The following GPR149 variants were observed in gnomAD, a reference collection of about 807,000 sequenced individuals.
GPR149 encodes G protein-coupled receptor 149.
In GPR149, 50 loss-of-function variants were observed where a neutral mutation model predicts 50.2. The observed-to-expected ratio is 1.00, with a 90% CI of 0.79 to 1.26. The LOEUF is 1.26. Among genes scored for constraint, GPR149 ranks in the 50% most tolerant of loss-of-function variants. The pLI is 0.00. For missense variants in GPR149, 983 were observed against 895.4 expected (o/e 1.10, Z -1.25); for synonymous variants, 405 against 358.2 (o/e 1.13, Z -1.48).
At chr3:154,427,804 T>A in intron 1 of GPR149, 96 bp from the exon 2 acceptor site, 1 of 1,137,504 alleles carries the variant, frequency 8.8e-7, no homozygotes, top group Non-Finnish European at 1.2e-6. Flanking sequence ...CCCTTTCCAG[T>A]TCCTTCTCCT....
At chr3:154,420,436 A>T (rs1712106455) in intron 3 of GPR149, among the ~76,000 whole-genome samples, 1 of 152,050 alleles carries the variant, frequency 6.6e-6, no homozygotes, top group South Asian at 2.1e-4. Flanking sequence ...GTTTTATAAA[A>T]TATTATAAAA....
chr3:154,353,729 G>T, intron 3 of GPR149: 1 of 995,158 alleles, frequency 1.0e-6, no homozygotes, highest in Non-Finnish European at 1.6e-6. Context: ...ATTGTTTCTT[G>T]ATTTCTTTGG....
chr3:154,353,723 T>G, intron 3 of GPR149: 1 of 1,040,992 alleles, frequency 9.6e-7, no homozygotes, highest in Non-Finnish European at 1.5e-6. Context: ...TTAAAAATTG[T>G]TTCTTGATTT....
rs1230033889 is a variant in GPR149 at position 154,391,165 on chromosome 3, A to G, written c.1623+29874T>C. ...AAGGGTAAATATAAAGACAAATACT[A>G]TAATACTGTAATGGTAGTGGGTAAA... On this transcript the variant is annotated intron_variant, in intron 3 of 3. Coordinates refer to ENST00000389740, the MANE Select transcript of GPR149 (RefSeq NM_001038705.3). Among the ~76,000 whole-genome samples, 3 of 152,076 alleles carry G rather than the reference A, an allele frequency of 2.0e-5. No individual in the cohort carries two copies. The East Asian group carries it at 5.8e-4, about 29-fold the overall frequency.
chr3:154,362,523 T>C (rs1714436043), intron 3 of GPR149, among the ~76,000 whole-genome samples: 1 of 152,066 alleles, frequency 6.6e-6, no homozygotes, highest in African/African-American at 2.4e-5. Context: ...GGAAGAAACA[T>C]TTATCATGAA....
chr3:154,387,768 C>T (rs973623042), intron 3 of GPR149, among the ~76,000 whole-genome samples: 1 of 152,042 alleles, frequency 6.6e-6, no homozygotes, highest in African/African-American at 2.4e-5. Context: ...CAAGCAAGCT[C>T]CGGGCACTCT....
At chr3:154,366,705 C>T (rs2030316490) in intron 3 of GPR149, among the ~76,000 whole-genome samples, 1 of 152,164 alleles carries the variant, frequency 6.6e-6, no homozygotes, top group African/African-American at 2.4e-5. Context: ...CTACCTATGA[C>T]CTATAAGCCC....
chr3:154,347,023 A>C (rs1713946341), intron 3 of GPR149, among the ~76,000 whole-genome samples: 1 of 152,194 alleles, frequency 6.6e-6, no homozygotes, highest in African/African-American at 2.4e-5. Context: ...CTTCCTAAGC[A>C]CTGTCTATGC....
At chr3:154,400,759 A>G (rs1711533516) in intron 3 of GPR149, among the ~76,000 whole-genome samples, 2 of 152,262 alleles carry the variant, frequency 1.3e-5, no homozygotes, top group African/African-American at 4.8e-5. Context: ...TAAGAGTCAT[A>G]ATCTTGAAAT....
chr3:154,416,716 G>A (rs559302172), intron 3 of GPR149, among the ~76,000 whole-genome samples: 10 of 151,796 alleles, frequency 6.6e-5, no homozygotes, highest in Non-Finnish European at 1.2e-4. Flanking sequence ...ATTAGTTCTT[G>A]TTGGCCTTAT....
chr3:154,371,184 A>G (rs774558215), intron 3 of GPR149, among the ~76,000 whole-genome samples: 1 of 152,232 alleles, frequency 6.6e-6, no homozygotes, highest in Non-Finnish European at 1.5e-5. Context: ...AAAATGTAAC[A>G]GTCCTTGCAA....
At chr3:154,421,011 T>A in intron 3 of GPR149, 28 bp downstream of exon 3, 2 of 1,504,246 alleles carry the variant, frequency 1.3e-6, no homozygotes, top group Non-Finnish European at 1.8e-6. Flanking sequence ...CACTTTCAAT[T>A]TAACAGCAAG....
chr3:154,337,691 A>C lies in GPR149; in HGVS notation c.*8T>G, dbSNP rs1365399979. The C allele has an allele frequency of 6.3e-7, 1 of 1,576,016 alleles. No individual in the cohort carries two copies. Among genetic ancestry groups the C allele is most frequent in the South Asian group, 1.2e-5 (1 of 83,326 alleles). On this transcript the variant is annotated 3_prime_UTR_variant, in exon 4 of 4. Coordinates refer to ENST00000389740, the MANE Select transcript of GPR149 (RefSeq NM_001038705.3). ...ATCCATTCTTGCTCCTGTTAGACCAAATACCCACTAACTACCCTTGCTTTC... is the reference window on the plus strand; with the variant it reads ...ATCCATTCTTGCTCCTGTTAGACCACATACCCACTAACTACCCTTGCTTTC...
chr3:154,355,680 T>C (rs1365207356), intron 3 of GPR149, among the ~76,000 whole-genome samples: 2 of 152,170 alleles, frequency 1.3e-5, no homozygotes, highest in South Asian at 4.1e-4. Context: ...AAATAAAATT[T>C]CATCAGGAAT....
intron 3 of GPR149, among the ~76,000 whole-genome samples, chr3:154,377,502 G>C (rs1714820996): frequency 6.6e-6 from 1 of 151,796 alleles, no homozygotes; most frequent in Non-Finnish European, 1.5e-5. Context: ...GAGTGGCTGG[G>C]ACTACAGGCG....
At chr3:154,407,243 T>C (rs1196347883) in intron 3 of GPR149, among the ~76,000 whole-genome samples, 1 of 152,106 alleles carries the variant, frequency 6.6e-6, no homozygotes, top group Non-Finnish European at 1.5e-5. Context: ...ATGCTTCACA[T>C]AGTCAAATAT....
rs1215125457 is a variant in GPR149, at chr3:154,354,783, A to G, written c.1624-16512T>C. The G allele has an allele frequency of 1.4e-5, 10 of 697,558 alleles. No individual in the cohort carries two copies. In the Admixed American group the frequency reaches 2.9e-4, roughly 20 times the overall value. 43.2% of individuals were successfully genotyped at this position (697,558 alleles called of 1,614,324 possible). Reference sequence around the variant, plus strand: ...TTTTCAGCTCCATAATGTCGCCCCAAGGAGTTTCCCAGGCATTACTGGCCA... The same window carrying G: ...TTTTCAGCTCCATAATGTCGCCCCAGGGAGTTTCCCAGGCATTACTGGCCA... On this transcript the variant is annotated intron_variant, in intron 3 of 3. Coordinates refer to ENST00000389740, the MANE Select transcript of GPR149 (RefSeq NM_001038705.3).
In GPR149 at chr3:154,428,747, C is replaced by T; in HGVS notation, c.869G>A (p.Arg290His). 1.2e-6 allele frequency: 2 copies of T among 1,614,124 alleles called. No individual in the cohort carries two copies. Among genetic ancestry groups the T allele is most frequent in the Non-Finnish European group, 8.5e-7 (1 of 1,180,030 alleles). Reference sequence around the variant, plus strand: ...GCCATAGAGAGTCCCCCGGTTCTCACGCCTGCAGGCTTCAGCCCCAGCGGC... The same window carrying T: ...GCCATAGAGAGTCCCCCGGTTCTCATGCCTGCAGGCTTCAGCCCCAGCGGC... ...PAAAGAEACR[R>H]ENRGTLYGTR... is the part of the protein sequence containing the mutation. The change falls in exon 1 of 4, where the codon CGT becomes CAT. Residue 290 changes from arginine (R) to histidine (H), a missense_variant. Coordinates refer to ENST00000389740, the MANE Select transcript of GPR149 (RefSeq NM_001038705.3).
chr3:154,372,106 C>T (rs1168315648), intron 3 of GPR149, among the ~76,000 whole-genome samples: 1 of 152,154 alleles, frequency 6.6e-6, no homozygotes, highest in Admixed American at 6.5e-5. Flanking sequence ...CGTCCAGTTC[C>T]CAACAGCAGT....
Sources: gnomAD v4.1 joint callset for allele counts (sites outside exome capture counted in the v4.1 genomes callset) on GRCh38, gnomAD v4.1.1 for gene constraint, MANE v1.5 for transcripts, NCBI Gene and HGNC (gene_info 2026-07-23, HGNC 2026-07-21) for gene names.